The following CENPU variants were observed in gnomAD, a reference collection of about 807,000 sequenced individuals.
The protein encoded by CENPU is centromere protein U.
In CENPU, 46 loss-of-function variants were observed where a neutral mutation model predicts 56.7. The observed-to-expected ratio is 0.81, with a 90% CI of 0.64 to 1.04. CENPU has a LOEUF of 1.04. Ranked by LOEUF, CENPU falls within the 50% of genes least tolerant of loss-of-function variation. The pLI is 0.00. For synonymous variants in CENPU, 166 were observed against 163.0 expected, an observed-to-expected ratio of 1.02 and a Z score of -0.14; for missense variants, 510 against 490.1, an observed-to-expected ratio of 1.04 and a Z score of -0.38.
chr4:184,727,493 G>A (rs1224295299), intron 3 of CENPU, among the ~76,000 whole-genome samples: 1 of 152,188 alleles, frequency 6.6e-6, no homozygotes, highest in African/African-American at 2.4e-5. Flanking sequence ...TGCTGGGATG[G>A]CTAGAATAAA....
At chr4:184,708,396 A>G (rs1467968634) in intron 8 of CENPU, among the ~76,000 whole-genome samples, 1 of 151,968 alleles carries the variant, frequency 6.6e-6, no homozygotes, top group Non-Finnish European at 1.5e-5. Flanking sequence ...AGAGAACAAA[A>G]AAGAAAATCA....
chr4:184,694,105 C>G lies in CENPU; in HGVS notation c.*1183G>C, dbSNP rs1300733682. The G allele has an allele frequency of 2.1e-6, 1 of 467,756 alleles. No homozygotes were observed. Among genetic ancestry groups the G allele is most frequent in the Non-Finnish European group, 2.8e-6 (1 of 357,434 alleles). 29.0% of individuals were successfully genotyped at this position (467,756 alleles called of 1,614,324 possible). ...TCATATTTTGGCAACTGTTTTTAAT[C>G]TTTTTTCAATCCATGTTTACGATTT... On this transcript the variant is annotated 3_prime_UTR_variant, in exon 13 of 13. Transcript: ENST00000281453.
chr4:184,725,953 G>C (rs12505069), intron 3 of CENPU, among the ~76,000 whole-genome samples: 26,872 of 152,156 alleles, frequency 0.18, 3,587 homozygotes, highest in East Asian at 0.71. Flanking sequence ...GCTTGGAGAA[G>C]AAGAGGTGGC....
In CENPU at chr4:184,694,759, A is replaced by G. The variant is rs1164325268; in HGVS notation, c.*529T>C. ...GGATGAAATTCCTGATGAACTAATT[A>G]TAGAAGTATTACAAGAGTAACTAAT... On this transcript the variant is annotated 3_prime_UTR_variant, in exon 13 of 13. Transcript: ENST00000281453. 6.2e-7 allele frequency: 1 copy of G among 1,611,742 alleles called. No homozygotes were observed. The highest frequency in any genetic ancestry group is 8.5e-7 in the Non-Finnish European group (1 of 1,177,840).
intron 1 of CENPU, among the ~76,000 whole-genome samples, 180 bp downstream of exon 1, chr4:184,733,836 A>G (rs1761743792): frequency 1.3e-5 from 2 of 152,182 alleles, no homozygotes; most frequent in South Asian, 2.1e-4. Context: ...AGGCCCGTGC[A>G]GGTGGGATCA....
intron 8 of CENPU, among the ~76,000 whole-genome samples, chr4:184,709,855 G>T (rs954645660): frequency 2.0e-5 from 3 of 149,192 alleles, no homozygotes; most frequent in African/African-American, 7.4e-5. Flanking sequence ...TAAGATAGAA[G>T]GTTAATACAA....
In CENPU at chr4:184,697,894, C is replaced by T. The variant is rs541421274; in HGVS notation, c.987-91G>A. ...AGTACGCTGAGCGAGTGTGAAGAAC[C>T]GGGGCTGGCCAACTAGATGACTTGC... is the stretch of plus-strand genomic sequence containing the variant. On this transcript the variant is annotated intron_variant, in intron 11 of 12. Transcript: ENST00000281453. 58 of 912,708 alleles carry T rather than the reference C, an allele frequency of 6.4e-5. No homozygotes were observed. The East Asian group carries it at 1.2e-3, about 19-fold the overall frequency. 56.5% of individuals were successfully genotyped at this position (912,708 alleles called of 1,614,324 possible). A position where few individuals can be genotyped will look rare whatever the true frequency, so the allele number is the denominator to read the frequency against.
At chr4:184,720,407 G>A (rs986694846) in intron 4 of CENPU, among the ~76,000 whole-genome samples, 4 of 152,110 alleles carry the variant, frequency 2.6e-5, no homozygotes, top group Non-Finnish European at 5.9e-5. Flanking sequence ...CTTCAAAAGG[G>A]CAAATCGAAG....
chr4:184,728,798 C>T (rs1223774710), intron 3 of CENPU, 120 bp downstream of exon 3: 3 of 707,468 alleles, frequency 4.2e-6, no homozygotes, highest in Non-Finnish European at 7.3e-6. Context: ...CCCCAGAGAA[C>T]ATTATATTTA....
intron 6 of CENPU, among the ~76,000 whole-genome samples, chr4:184,713,388 C>T (rs1029591391): frequency 8.6e-5 from 13 of 151,870 alleles, no homozygotes; most frequent in African/African-American, 1.9e-4. Context: ...AGCAAGACTC[C>T]GTCTCAAGAA....
intron 8 of CENPU, among the ~76,000 whole-genome samples, chr4:184,704,689 G>C (rs1410913552): frequency 6.6e-6 from 1 of 152,074 alleles, no homozygotes; most frequent in African/African-American, 2.4e-5. Context: ...GTCACAAAAG[G>C]ACAAATATTG....
intron 7 of CENPU, among the ~76,000 whole-genome samples, chr4:184,711,996 C>T (rs996231766): frequency 6.6e-6 from 1 of 151,666 alleles, no homozygotes; most frequent in Non-Finnish European, 1.5e-5. Flanking sequence ...TGGCGTGGGC[C>T]TATAGTCTCA....
chr4:184,710,874 G>C (rs1760899876), intron 7 of CENPU, among the ~76,000 whole-genome samples: 1 of 151,236 alleles, frequency 6.6e-6, no homozygotes. Context: ...ATTTTTTTTT[G>C]AGACAGGGTC....
chr4:184,705,905 T>G (rs902125728), intron 8 of CENPU, among the ~76,000 whole-genome samples: 3 of 152,198 alleles, frequency 2.0e-5, no homozygotes, highest in Admixed American at 2.0e-4. Flanking sequence ...TTCGAAGTAG[T>G]CAACTTCATA....
rs146645238 is a variant in CENPU, at chr4:184,712,976, C to G, written c.656G>C (p.Arg219Thr). 5.6e-6 allele frequency: 9 copies of G among 1,593,902 alleles called. No individual in the cohort carries two copies. Among genetic ancestry groups the G allele is most frequent in the Non-Finnish European group, 6.0e-6 (7 of 1,170,048 alleles). The change falls in exon 7 of 13, where the codon AGG (arginine) becomes ACG (threonine). Residue 219 changes from arginine (R) to threonine (T), a missense_variant. Coordinates refer to ENST00000281453, the MANE Select transcript of CENPU (RefSeq NM_024629.4). ...QKKGKISHDK[R>T]KKSRSKAIGS... The stretch of plus-strand genomic sequence containing the variant: ...TATGGCTTTACTTCTTGATTTCTTC[C>G]TTTTGTCATGAGATATCTTCCCTTT...
In CENPU at chr4:184,713,350, C is replaced by T. The variant is rs560968321; in HGVS notation, c.619-337G>A. Among the ~76,000 whole-genome samples the T allele has an allele frequency of 1.4e-4, 22 of 152,164 alleles. No individual in the cohort carries two copies. In the South Asian group the frequency reaches 2.5e-3, roughly 17 times the overall value. On this transcript the variant is annotated intron_variant, in intron 6 of 12. Transcript: ENST00000281453. ...CGGAGGTTGCAGTGAGCTGAGATTG[C>T]GCCACTGCACTCCAGCCTGGGCAAC...
At chr4:184,716,800 C>T (rs1761109732) in intron 5 of CENPU, among the ~76,000 whole-genome samples, 167 bp from the exon 6 acceptor site, 1 of 152,104 alleles carries the variant, frequency 6.6e-6, no homozygotes, top group South Asian at 2.1e-4. Flanking sequence ...GACAGGAAAC[C>T]TAAATCAAAG....
chr4:184,702,097 T>C lies in CENPU; in HGVS notation c.916A>G (p.Asn306Asp). 1 of 1,603,752 alleles carries C rather than the reference T, an allele frequency of 6.2e-7. No homozygotes were observed. Among genetic ancestry groups the C allele is most frequent in the Non-Finnish European group, 8.5e-7 (1 of 1,171,364 alleles). The change falls in exon 10 of 13, where the codon AAT (asparagine) becomes GAT (aspartate). Residue 306 changes from asparagine to aspartate, a missense_variant. Physicochemically the swap from Asn to Asp is conservative, Grantham distance 23. Coordinates refer to ENST00000281453, the MANE Select transcript of CENPU (RefSeq NM_024629.4). ...SQMLTNLKRK[N>D]AKMISDIEKK... The stretch of plus-strand genomic sequence containing the variant: ...TCACATAAATAATTTACCTTAGCAT[T>C]CTTCCTTTTCAGATTTGTCAACATC...
At chr4:184,702,298 C>T in intron 9 of CENPU, 65 bp downstream of exon 9, 1 of 1,470,616 alleles carries the variant, frequency 6.8e-7, no homozygotes, top group South Asian at 1.2e-5. Flanking sequence ...TCTAAGACAA[C>T]AATATGCTGC....
Sources: gnomAD v4.1 joint callset for allele counts (sites outside exome capture counted in the v4.1 genomes callset) on GRCh38, gnomAD v4.1.1 for gene constraint, MANE v1.5 for transcripts, NCBI Gene and HGNC (gene_info 2026-07-23, HGNC 2026-07-21) for gene names.